Variants in PDE4D observed in about 807,000 individuals in gnomAD.
The protein encoded by PDE4D is 3',5'-cyclic-AMP phosphodiesterase 4D.
PDE4D carries 24 observed loss-of-function variants against 87.4 expected under a neutral mutation model. That is an observed-to-expected ratio of 0.27 (90% CI 0.20 to 0.39). The LOEUF is 0.39. Ranked by LOEUF, PDE4D falls within the 10% of genes least tolerant of loss-of-function variation. The pLI is 1.00. For missense variants in PDE4D, 714 were observed against 1,041.0 expected, an observed-to-expected ratio of 0.69 and a Z score of 4.32; for synonymous variants, 384 against 383.2, an observed-to-expected ratio of 1.00 and a Z score of -0.02.
chr5:59,484,889 C>T (rs1184726780), intron 1 of PDE4D, among the ~76,000 whole-genome samples: 2 of 152,154 alleles, frequency 1.3e-5, no homozygotes, highest in African/African-American at 2.4e-5. Flanking sequence ...TAAAAGTCTA[C>T]GATTCACCAA....
intron 1 of PDE4D, among the ~76,000 whole-genome samples, chr5:59,411,119 T>C (rs1233511715): frequency 6.6e-6 from 1 of 152,158 alleles, no homozygotes; most frequent in Non-Finnish European, 1.5e-5. Context: ...CATATGCAGA[T>C]TTCTCATCCA....
At chr5:60,508,361 T>A (rs16878190) in intron 1 of PDE4D, among the ~76,000 whole-genome samples, 20,598 of 152,234 alleles carry the variant, frequency 0.14, 1,496 homozygotes, top group African/African-American at 0.17. Context: ...CTAGGTCAAC[T>A]TTACCTAACT....
intron 1 of PDE4D, among the ~76,000 whole-genome samples, chr5:59,673,669 G>T (rs963701472): frequency 2.0e-5 from 3 of 152,086 alleles, no homozygotes; most frequent in African/African-American, 7.2e-5. Flanking sequence ...TTACATTTAT[G>T]CATTTTCTCT....
chr5:60,215,793 T>TTAA (rs1352373478), intron 1 of PDE4D, among the ~76,000 whole-genome samples: 1 of 152,146 alleles, frequency 6.6e-6, no homozygotes, highest in Non-Finnish European at 1.5e-5. Flanking sequence ...AGATGATTTG[T>TTAA]ACACATGTTA....
chr5:60,108,004 A>G lies in PDE4D; in HGVS notation c.42+77553T>C, dbSNP rs368496152. Among the ~76,000 whole-genome samples, 43 of 152,298 alleles carry G rather than the reference A, an allele frequency of 2.8e-4. 1 individual carries two copies. In the South Asian group the frequency reaches 6.8e-3, roughly 24 times the overall value. ...AGTCAACATAGTGTTGGAAGTTCTG[A>G]CCAGGGCAATTAAGCAGGAGAAGGA... On this transcript the variant is annotated intron_variant, in intron 2 of 16. Coordinates refer to the PDE4D transcript ENST00000502484.
At chr5:59,461,244 T>G (rs921376178) in intron 1 of PDE4D, among the ~76,000 whole-genome samples, 5 of 152,138 alleles carry the variant, frequency 3.3e-5, no homozygotes, top group Non-Finnish European at 7.4e-5. Flanking sequence ...AGATTATATA[T>G]ATTTACATGT....
rs186668143 is a variant in PDE4D, at chr5:59,093,356, T to C, written c.809-54385A>G. Among the ~76,000 whole-genome samples, 405 of 152,170 alleles carry C rather than the reference T, an allele frequency of 2.7e-3. 2 individuals carry two copies. Among genetic ancestry groups the C allele is most frequent in the Non-Finnish European group, 4.3e-3 (292 of 67,998 alleles). Reference sequence around the variant, plus strand: ...TTTTGGAGGAAATCGGCTAGAGAGATTTGAAACTGATGATACTAGGCACTG... The same window carrying C: ...TTTTGGAGGAAATCGGCTAGAGAGACTTGAAACTGATGATACTAGGCACTG... On this transcript the variant is annotated intron_variant, in intron 5 of 14. Coordinates refer to ENST00000340635, the MANE Select transcript of PDE4D (RefSeq NM_001104631.2).
At position 59,310,405 on chromosome 5, in the gene PDE4D, T is replaced by C. The variant is rs530897936; in HGVS notation, c.456-94437A>G. Among the ~76,000 whole-genome samples, 5 of 152,262 alleles carry C rather than the reference T, an allele frequency of 3.3e-5. No individual in the cohort carries two copies. The East Asian group carries it at 9.7e-4, about 29-fold the overall frequency. The stretch of plus-strand genomic sequence containing the variant: ...GTCTCCACCAATTCTTTATTTCCTA[T>C]CATGAATTTTTAAATCCTGCTACAC... On this transcript the variant is annotated intron_variant, in intron 1 of 14. Coordinates refer to ENST00000340635, the MANE Select transcript of PDE4D (RefSeq NM_001104631.2).
In PDE4D at chr5:59,330,084, C is replaced by A. The variant is rs142219372; in HGVS notation, c.456-114116G>T. 3.5e-4 allele frequency among the ~76,000 whole-genome samples: 54 copies of A among 152,158 alleles called. No individual in the cohort carries two copies. The East Asian group carries it at 5.2e-3, about 15-fold the overall frequency. ...AGCCCTTGGGATGAAAACTGGGAGTCCTATCTTTAATATGTTCATCACGTT... is the reference window on the plus strand; with the variant it reads ...AGCCCTTGGGATGAAAACTGGGAGTACTATCTTTAATATGTTCATCACGTT... On this transcript the variant is annotated intron_variant, in intron 1 of 14. Transcript: ENST00000340635.
chr5:59,594,150 GA>G (rs70975322), intron 1 of PDE4D, among the ~76,000 whole-genome samples: 1 of 147,486 alleles, frequency 6.8e-6, no homozygotes. Flanking sequence ...TATGGTATAA[GA>G]AAAAAAAAAC....
At chr5:60,369,570 C>A (rs1022562648) in intron 1 of PDE4D, among the ~76,000 whole-genome samples, 5 of 152,046 alleles carry the variant, frequency 3.3e-5, no homozygotes, top group Non-Finnish European at 7.4e-5. Context: ...GGGAGTGAAA[C>A]CTCATGAGCC....
chr5:59,718,528 C>T (rs560762094), intron 1 of PDE4D, among the ~76,000 whole-genome samples: 17 of 152,242 alleles, frequency 1.1e-4, no homozygotes, highest in African/African-American at 4.1e-4. Context: ...GAATGCTTGG[C>T]CATATCATCA....
chr5:59,805,989 CT>C (rs1767689649), intron 1 of PDE4D, among the ~76,000 whole-genome samples: 2 of 152,200 alleles, frequency 1.3e-5, no homozygotes, highest in African/African-American at 4.8e-5. Context: ...TTCTTTGCCC[CT>C]CTCCCACTAT....
chr5:59,283,591 A>C (rs1766264903), intron 1 of PDE4D, among the ~76,000 whole-genome samples: 1 of 152,026 alleles, frequency 6.6e-6, no homozygotes, highest in Non-Finnish European at 1.5e-5. Flanking sequence ...CTATATTGCC[A>C]ACCACACAAT....
chr5:59,431,098 A>C (rs1410386116), intron 1 of PDE4D, among the ~76,000 whole-genome samples: 3 of 152,098 alleles, frequency 2.0e-5, no homozygotes, highest in African/African-American at 7.2e-5. Context: ...ATGATGATAC[A>C]CATTTTTTTT....
chr5:59,145,505 G>C (rs1342505663), intron 5 of PDE4D, among the ~76,000 whole-genome samples: 1 of 152,186 alleles, frequency 6.6e-6, no homozygotes, highest in Non-Finnish European at 1.5e-5. Flanking sequence ...TTTTTAAGAA[G>C]TGAGATTCCC....
intron 2 of PDE4D, among the ~76,000 whole-genome samples, chr5:59,199,467 G>A (rs1746237775): frequency 6.6e-6 from 1 of 151,968 alleles, no homozygotes; most frequent in African/African-American, 2.4e-5. Context: ...CTCCTCTGAA[G>A]TTTGTCAATA....
chr5:60,047,885 T>G (rs1272481119), intron 2 of PDE4D, among the ~76,000 whole-genome samples: 1 of 152,122 alleles, frequency 6.6e-6, no homozygotes, highest in African/African-American at 2.4e-5. Context: ...TTAGGTCTGC[T>G]TGGTGCAGAG....
At chr5:60,269,822 A>G (rs1378691508) in intron 1 of PDE4D, among the ~76,000 whole-genome samples, 1 of 152,242 alleles carries the variant, frequency 6.6e-6, no homozygotes, top group Non-Finnish European at 1.5e-5. Context: ...ATCAGTATAC[A>G]CAATATTTAT....
Sources: allele counts gnomAD v4.1 joint callset (sites outside exome capture counted in the v4.1 genomes callset), GRCh38; gene constraint gnomAD v4.1.1; transcripts MANE v1.5; gene names NCBI Gene and HGNC (gene_info 2026-07-23, HGNC 2026-07-21).